The following KCNMA1 variants were observed in gnomAD, a reference collection of about 807,000 sequenced individuals.
KCNMA1 encodes potassium calcium-activated channel subfamily M alpha 1, also known as Calcium-activated potassium channel subunit alpha-1.
Under a neutral mutation model 140.0 loss-of-function variants are expected in KCNMA1, and 29 were observed. That is an observed-to-expected ratio of 0.21 (90% confidence interval 0.15 to 0.28). KCNMA1 has a LOEUF of 0.28. Among genes scored for constraint, KCNMA1 ranks in the 10% least tolerant of loss-of-function variants. The pLI, the probability that KCNMA1 is intolerant of heterozygous loss-of-function variation, is 1.00. For missense variants in KCNMA1, 880 were observed against 1,602.2 expected, an observed-to-expected ratio of 0.55 and a Z score of 7.70; for synonymous variants, 612 against 611.9, an observed-to-expected ratio of 1.00 and a Z score of 0.00.
intron 1 of KCNMA1, among the ~76,000 whole-genome samples, chr10:77,510,870 C>T (rs150666737): frequency 3.2e-4 from 48 of 152,234 alleles, no homozygotes; most frequent in African/African-American, 9.4e-4. Context: ...TGGCATAACG[C>T]CAATTAACAA....
Position 77,163,232 on chromosome 10 carries a change from A to C in KCNMA1, c.808+20189T>G, listed in dbSNP as rs377504336. 1.2e-4 allele frequency among the ~76,000 whole-genome samples: 18 copies of C among 152,346 alleles called. No individual in the cohort carries two copies. The South Asian group carries it at 3.5e-3, about 30-fold the overall frequency. On this transcript the variant is annotated intron_variant, in intron 5 of 27. Coordinates refer to ENST00000286628, the MANE Select transcript of KCNMA1 (RefSeq NM_001161352.2). ...TAAAAAAATTAGAATATTTTATGGA[A>C]TATGAAAATTGTATGAAATTCAAAT...
At chr10:77,264,255 C>T (rs893703476) in intron 2 of KCNMA1, among the ~76,000 whole-genome samples, 2 of 152,140 alleles carry the variant, frequency 1.3e-5, no homozygotes, top group Admixed American at 1.3e-4. Context: ...TCTGTGCCCC[C>T]TCTAGCACAG....
intron 21 of KCNMA1, among the ~76,000 whole-genome samples, chr10:76,949,930 G>A (rs1193741462): frequency 6.6e-6 from 1 of 152,090 alleles, no homozygotes; most frequent in Non-Finnish European, 1.5e-5. Context: ...ACGACCCACA[G>A]GCCAAATCTG....
chr10:77,327,287 C>T (rs772769307), intron 2 of KCNMA1, among the ~76,000 whole-genome samples: 2 of 151,382 alleles, frequency 1.3e-5, no homozygotes, highest in Non-Finnish European at 2.9e-5. Context: ...CTTGTCTAGA[C>T]AAGCTTGAAT....
At chr10:77,043,905 G>A (rs74140268) in intron 14 of KCNMA1, among the ~76,000 whole-genome samples, 1,639 of 152,244 alleles carry the variant, frequency 0.011, 20 homozygotes, top group African/African-American at 0.037. Context: ...AAAGAGTTCC[G>A]GAAGTGGATG....
intron 10 of KCNMA1, 63 bp downstream of exon 10, chr10:77,090,337 C>T (rs1304341466): frequency 1.8e-6 from 2 of 1,092,168 alleles, no homozygotes; most frequent in East Asian, 2.4e-5. Context: ...TACAGACATT[C>T]AGGGAGTCCC....
Position 76,887,408 on chromosome 10 carries a change from G to C in KCNMA1, c.3569C>G (p.Ser1190Cys), listed in dbSNP as rs1305393894. The change falls in exon 28 of 28, where the codon TCC becomes TGC. Residue 1190 changes from serine to cysteine, a missense_variant. Ser to Cys is a moderately radical substitution (Grantham distance 112). This residue lies in a region of KCNMA1 where 115 missense variants were observed against 139.9 expected (regional missense o/e 0.82). Transcript: ENST00000286628. Reference protein sequence around the residue: ...HNAGQSRASLSHSSHSSQSSS... With the variant: ...HNAGQSRASLCHSSHSSQSSS... ...GGACTGCGACGAGTGGGAGGAATGG[G>C]ACAGGCTGGCCCGGGACTGGCCGGC... 4 of 1,614,170 alleles carry C rather than the reference G, an allele frequency of 2.5e-6. No homozygotes were observed. The highest frequency in any genetic ancestry group is 2.2e-5 in the South Asian group (2 of 91,084).
At chr10:77,312,477 A>G (rs1050239937) in intron 2 of KCNMA1, among the ~76,000 whole-genome samples, 2 of 152,296 alleles carry the variant, frequency 1.3e-5, no homozygotes, top group Middle Eastern at 3.4e-3. Flanking sequence ...GATACAAAAA[A>G]TAACTGGGAA....
chr10:77,637,586 TCCGCCG>T lies in KCNMA1; in HGVS notation c.51_56del (p.Gly19_Gly20del), dbSNP rs760628050. On this transcript the variant is annotated inframe_deletion, in exon 1 of 28. Transcript: ENST00000286628. ...TGCTACTCATTCTAAGACTGCTGCCTCCGCCGCCGCCGCCGCCGCCGCTGCTGCCGC... is the reference window on the plus strand; with the variant it reads ...TGCTACTCATTCTAAGACTGCTGCCTCCGCCGCCGCCGCCGCTGCTGCCGC... The T allele has an allele frequency of 9.8e-6, 15 of 1,524,772 alleles. No homozygotes were observed. Among genetic ancestry groups the T allele is most frequent in the South Asian group, 6.0e-5 (5 of 82,728 alleles). The allele number at this position is 1,524,772 out of a possible 1,614,324, so 94.5% of individuals were successfully genotyped here.
At position 77,093,542 on chromosome 10, in the gene KCNMA1, T is replaced by A. The variant is rs2096863324; in HGVS notation, c.1224-3032A>T. On this transcript the variant is annotated intron_variant, in intron 9 of 27. Transcript: ENST00000286628. The stretch of plus-strand genomic sequence containing the variant: ...GCTGCCTCTAACTCAGCAATCGGTA[T>A]TAGGAGATCTGCTTCCGCCAGCCTG... 2.0e-5 allele frequency among the ~76,000 whole-genome samples: 3 copies of A among 152,338 alleles called. No homozygotes were observed. The South Asian group carries it at 6.2e-4, about 32-fold the overall frequency.
intron 19 of KCNMA1, among the ~76,000 whole-genome samples, chr10:76,971,388 A>G (rs529280106): frequency 1.3e-5 from 2 of 152,314 alleles, no homozygotes; most frequent in African/African-American, 4.8e-5. Flanking sequence ...TACTTCCCTG[A>G]AAACGCTAAA....
chr10:77,380,671 CT>C (rs771831153), intron 2 of KCNMA1, among the ~76,000 whole-genome samples: 1 of 152,312 alleles, frequency 6.6e-6, no homozygotes, highest in Non-Finnish European at 1.5e-5. Context: ...ACATCTGGTT[CT>C]GAGCCCAGCA....
intron 23 of KCNMA1, among the ~76,000 whole-genome samples, chr10:76,922,162 T>A (rs1248552218): frequency 2.0e-5 from 3 of 152,212 alleles, no homozygotes; most frequent in Non-Finnish European, 1.5e-5. Context: ...CCATAAGGTG[T>A]CTTTTGCCTC....
chr10:77,000,773 C>T (rs75900876), intron 19 of KCNMA1, among the ~76,000 whole-genome samples: 10 of 149,248 alleles, frequency 6.7e-5, no homozygotes, highest in Middle Eastern at 3.3e-3. Flanking sequence ...GGCTGACAGA[C>T]ATAGAAAACT....
chr10:77,454,959 G>C (rs1388846914), intron 1 of KCNMA1, among the ~76,000 whole-genome samples: 1 of 152,180 alleles, frequency 6.6e-6, no homozygotes, highest in Non-Finnish European at 1.5e-5. Flanking sequence ...ACCTGAAAGA[G>C]TGGGCCAAGC....
chr10:77,286,754 T>G (rs1483503043), intron 2 of KCNMA1, among the ~76,000 whole-genome samples: 1 of 22,792 alleles, frequency 4.4e-5, no homozygotes, highest in Admixed American at 5.0e-4. Flanking sequence ...AGGGACGGTG[T>G]GTGTGTGTGT....
At chr10:77,021,420 G>T (rs1224064695) in intron 16 of KCNMA1, among the ~76,000 whole-genome samples, 2 of 152,160 alleles carry the variant, frequency 1.3e-5, no homozygotes, top group South Asian at 2.1e-4. Flanking sequence ...AGTGAGCTAG[G>T]TGATTATAAA....
At chr10:77,336,296 A>G (rs373440919) in intron 2 of KCNMA1, among the ~76,000 whole-genome samples, 6 of 152,192 alleles carry the variant, frequency 3.9e-5, no homozygotes, top group African/African-American at 1.4e-4. Context: ...ATCCTGCCCT[A>G]ACCAACAGAT....
chr10:77,323,156 C>T (rs1418782043), intron 2 of KCNMA1, among the ~76,000 whole-genome samples: 1 of 152,178 alleles, frequency 6.6e-6, no homozygotes, highest in Admixed American at 6.5e-5. Flanking sequence ...GCATACTTCC[C>T]TGTCACCTTC....
Sources: allele counts gnomAD v4.1 joint callset (sites outside exome capture counted in the v4.1 genomes callset), GRCh38; gene constraint gnomAD v4.1.1; regional missense constraint gnomAD v4.1.1; transcripts MANE v1.5; gene names NCBI Gene and HGNC (gene_info 2026-07-23, HGNC 2026-07-21).